EFCAB6: variants seen among roughly 807,000 people sequenced by gnomAD.
The protein encoded by EFCAB6 is EF-hand calcium binding domain 6, also known as EF-hand calcium-binding domain-containing protein 6.
In EFCAB6, 156 loss-of-function variants were observed where a neutral mutation model predicts 169.8. That is an observed-to-expected ratio of 0.92 (90% CI 0.81 to 1.05). The LOEUF (loss-of-function observed/expected upper bound fraction) is 1.05, where lower values mean the gene tolerates loss of function less well. Ranked by LOEUF, EFCAB6 falls within the 50% of genes least tolerant of loss-of-function variation. The pLI is 0.00. For synonymous variants in EFCAB6, 698 were observed against 676.4 expected, an observed-to-expected ratio of 1.03 and a Z score of -0.50; for missense variants, 1,800 against 1,829.1, an observed-to-expected ratio of 0.98 and a Z score of 0.29.
intron 17 of EFCAB6, among the ~76,000 whole-genome samples, chr22:43,643,994 T>C (rs1165549909): frequency 6.6e-6 from 1 of 151,920 alleles, no homozygotes; most frequent in East Asian, 1.9e-4. Context: ...TGGCAAATTT[T>C]TGTATTTTTA....
rs764580147 is a variant in EFCAB6, at chr22:43,716,878, C to A, written c.852G>T (p.Leu284Phe). Residue 284 changes from leucine to phenylalanine, a missense_variant, in exon 9 of 32, where the codon TTG (leucine) becomes TTT (phenylalanine). Leu to Phe is a conservative substitution (Grantham distance 22). Coordinates refer to ENST00000262726, the MANE Select transcript of EFCAB6 (RefSeq NM_022785.4). The part of the protein sequence containing the change: ...SSEDIWRNYS[L>F]DEIERNFCLQ... ...GACAAAAGTTCCTCTCAATTTCATC[C>A]AAGGAGTAGTTTCTCCAGATATCTT... The A allele has an allele frequency of 1.2e-6, 2 of 1,602,508 alleles. No individual in the cohort carries two copies. The highest frequency in any genetic ancestry group is 1.7e-6 in the Non-Finnish European group (2 of 1,174,976).
At chr22:43,674,845 G>A (rs980427766) in intron 13 of EFCAB6, among the ~76,000 whole-genome samples, 2 of 152,254 alleles carry the variant, frequency 1.3e-5, no homozygotes, top group African/African-American at 4.8e-5. Flanking sequence ...AATAAGGGGT[G>A]GAGGCAAGAG....
intron 26 of EFCAB6, among the ~76,000 whole-genome samples, chr22:43,563,347 T>C (rs1247586417): frequency 6.6e-6 from 1 of 152,138 alleles, no homozygotes; most frequent in African/African-American, 2.4e-5. Context: ...AGGGGAGGAC[T>C]GCTTGAGCTC....
At chr22:43,745,301 G>A (rs1050989004) in intron 6 of EFCAB6, among the ~76,000 whole-genome samples, 3 of 152,176 alleles carry the variant, frequency 2.0e-5, no homozygotes, top group African/African-American at 4.8e-5. Flanking sequence ...TTCCCACTCC[G>A]CCTGGAAAAC....
intron 2 of EFCAB6, chr22:43,797,323 A>T (rs2062546854): frequency 6.6e-6 from 1 of 152,622 alleles, no homozygotes; most frequent in Admixed American, 6.5e-5. Flanking sequence ...CATGCCCTTC[A>T]AGATAAAATA....
intron 7 of EFCAB6, among the ~76,000 whole-genome samples, chr22:43,734,672 G>A (rs540797302): frequency 5.3e-5 from 8 of 151,922 alleles, no homozygotes; most frequent in South Asian, 2.1e-4. Flanking sequence ...TTTCCCAGCC[G>A]GAAAAGATGT....
rs199818258 is a variant in EFCAB6 at position 43,565,249 on chromosome 22, GA to G, written c.3421-10154del. ...CAAGGAGGAGAATGACAGAGATGAA[GA>G]GCAGAGTCATCCTAGCGAAGATGGC... is the stretch of plus-strand genomic sequence containing the variant. On this transcript the variant is annotated intron_variant, in intron 26 of 31. Coordinates refer to ENST00000262726, the MANE Select transcript of EFCAB6 (RefSeq NM_022785.4). 3.3e-5 allele frequency among the ~76,000 whole-genome samples: 5 copies of G among 152,352 alleles called. No individual in the cohort carries two copies. In the East Asian group the frequency reaches 9.6e-4, roughly 29 times the overall value.
At chr22:43,670,805 A>G (rs907344337) in intron 15 of EFCAB6, among the ~76,000 whole-genome samples, 1 of 152,238 alleles carries the variant, frequency 6.6e-6, no homozygotes, top group Non-Finnish European at 1.5e-5. Context: ...TCCAGGGGCA[A>G]GAGAGGGCCC....
At chr22:43,764,174 G>C (rs2061253506) in intron 5 of EFCAB6, among the ~76,000 whole-genome samples, 4 of 152,306 alleles carry the variant, frequency 2.6e-5, no homozygotes, top group Admixed American at 2.6e-4. Flanking sequence ...AGTGGGCATA[G>C]TACCTAATAG....
chr22:43,571,786 C>T (rs767874578), intron 26 of EFCAB6, among the ~76,000 whole-genome samples: 2 of 152,206 alleles, frequency 1.3e-5, no homozygotes, highest in African/African-American at 2.4e-5. Flanking sequence ...TCATTTACTA[C>T]GACCAGAACT....
intron 27 of EFCAB6, among the ~76,000 whole-genome samples, chr22:43,544,196 C>T (rs987644592): frequency 1.3e-5 from 2 of 152,120 alleles, no homozygotes; most frequent in Non-Finnish European, 2.9e-5. Context: ...CCCCTCTGCA[C>T]CATTTCCTCT....
chr22:43,543,872 C>T (rs1215041662), intron 27 of EFCAB6, among the ~76,000 whole-genome samples: 1 of 152,178 alleles, frequency 6.6e-6, no homozygotes. Context: ...CAGTCCCGCA[C>T]CAAGTCCACA....
chr22:43,718,373 T>C (rs2059407266), intron 8 of EFCAB6, among the ~76,000 whole-genome samples: 1 of 152,198 alleles, frequency 6.6e-6, no homozygotes, highest in Admixed American at 6.5e-5. Flanking sequence ...TTAATTCAGC[T>C]GCAGTTAACA....
At chr22:43,639,906 G>C (rs933667915) in intron 17 of EFCAB6, among the ~76,000 whole-genome samples, 2 of 151,946 alleles carry the variant, frequency 1.3e-5, no homozygotes, top group African/African-American at 4.8e-5. Context: ...ATTGACTTCT[G>C]TCATCTTCAT....
intron 16 of EFCAB6, 101 bp from the exon 17 acceptor site, chr22:43,667,373 G>A: frequency 1.4e-6 from 2 of 1,417,282 alleles, no homozygotes; most frequent in African/African-American, 1.4e-5. Context: ...ACAGTAAGAA[G>A]GTTTCCCATC....
At chr22:43,748,105 T>C (rs2060627913) in intron 6 of EFCAB6, among the ~76,000 whole-genome samples, 2 of 152,302 alleles carry the variant, frequency 1.3e-5, no homozygotes, top group Middle Eastern at 3.4e-3. Context: ...CAGACGATGA[T>C]GGTAAGAGGG....
intron 4 of EFCAB6, among the ~76,000 whole-genome samples, chr22:43,765,952 A>G (rs1208101552): frequency 6.6e-6 from 1 of 152,236 alleles, no homozygotes; most frequent in Non-Finnish European, 1.5e-5. Flanking sequence ...TATGTAAAAG[A>G]ATAGCTCTTA....
intron 3 of EFCAB6, among the ~76,000 whole-genome samples, chr22:43,780,022 C>T (rs2061763908): frequency 6.6e-6 from 1 of 152,122 alleles, no homozygotes; most frequent in African/African-American, 2.4e-5. Flanking sequence ...TGAGGAAATG[C>T]ATATTAAATT....
intron 10 of EFCAB6, among the ~76,000 whole-genome samples, chr22:43,699,524 T>C (rs556970375): frequency 6.6e-6 from 1 of 152,150 alleles, no homozygotes; most frequent in Non-Finnish European, 1.5e-5. Context: ...CTCACATCAG[T>C]CACTCTTTTT....
Sources: gnomAD v4.1 joint callset for allele counts (sites outside exome capture counted in the v4.1 genomes callset) on GRCh38, gnomAD v4.1.1 for gene constraint, MANE v1.5 for transcripts, NCBI Gene and HGNC (gene_info 2026-07-23, HGNC 2026-07-21) for gene names.